EHBP1: variants seen among roughly 807,000 people sequenced by gnomAD.
EHBP1 encodes EH domain-binding protein 1.
In EHBP1, 55 loss-of-function variants were observed where a neutral mutation model predicts 144.0. The observed-to-expected ratio is 0.38, with a 90% CI of 0.31 to 0.48. The LOEUF (loss-of-function observed/expected upper bound fraction) is 0.48, where lower values mean the gene tolerates loss of function less well. Among genes scored for constraint, EHBP1 ranks in the 20% least tolerant of loss-of-function variants. The pLI is 0.98. For synonymous variants in EHBP1, 469 were observed against 472.7 expected (o/e 0.99, Z 0.10); for missense variants, 1,200 against 1,364.2 (o/e 0.88, Z 1.90).
At chr2:62,775,052 G>A (rs2041960448) in intron 5 of EHBP1, among the ~76,000 whole-genome samples, 1 of 152,072 alleles carries the variant, frequency 6.6e-6, no homozygotes, top group Non-Finnish European at 1.5e-5. Flanking sequence ...AGAGGGATAA[G>A]GATCCCCCGT....
At chr2:62,697,130 A>G (rs1454447868) in intron 1 of EHBP1, among the ~76,000 whole-genome samples, 1 of 152,212 alleles carries the variant, frequency 6.6e-6, no homozygotes. Context: ...CAGGTTGCAG[A>G]TCATTTCTCT....
intron 3 of EHBP1, among the ~76,000 whole-genome samples, chr2:62,749,660 T>G (rs893475938): frequency 2.2e-4 from 34 of 152,230 alleles, no homozygotes; most frequent in Non-Finnish European, 3.7e-4. Flanking sequence ...TCCTGACTTT[T>G]TAATGATTGC....
intron 10 of EHBP1, among the ~76,000 whole-genome samples, chr2:62,931,257 C>T (rs1387357445): frequency 6.6e-6 from 1 of 152,102 alleles, no homozygotes; most frequent in East Asian, 1.9e-4. Flanking sequence ...AGATAGCCAA[C>T]TAGTATATGA....
intron 2 of EHBP1, among the ~76,000 whole-genome samples, chr2:62,742,486 A>G (rs1310595252): frequency 2.0e-5 from 3 of 152,066 alleles, no homozygotes; most frequent in African/African-American, 7.2e-5. Context: ...TAAGATACTT[A>G]CCCTGGAGAA....
chr2:63,030,129 A>G (rs929018131), intron 19 of EHBP1, among the ~76,000 whole-genome samples: 1 of 152,242 alleles, frequency 6.6e-6, no homozygotes, highest in Non-Finnish European at 1.5e-5. Flanking sequence ...ATACTATGTA[A>G]TTATATATCA....
intron 6 of EHBP1, among the ~76,000 whole-genome samples, chr2:62,827,302 C>G (rs770464576): frequency 2.6e-5 from 4 of 152,136 alleles, no homozygotes; most frequent in Non-Finnish European, 5.9e-5. Context: ...AGTCTTTCAT[C>G]TCAGGACCTT....
At chr2:63,023,228 A>G (rs767885834) in intron 19 of EHBP1, among the ~76,000 whole-genome samples, 4 of 152,134 alleles carry the variant, frequency 2.6e-5, no homozygotes, top group African/African-American at 4.8e-5. Flanking sequence ...TTACTAATTA[A>G]TGTTTGTAAT....
chr2:62,771,463 C>A, intron 5 of EHBP1, 71 bp downstream of exon 5: 3 of 1,153,348 alleles, frequency 2.6e-6, no homozygotes, highest in Non-Finnish European at 2.4e-6. Context: ...GGTACATTGG[C>A]ATTTTGGTGG....
At chr2:62,728,823 T>C (rs2037102944) in intron 2 of EHBP1, among the ~76,000 whole-genome samples, 1 of 152,076 alleles carries the variant, frequency 6.6e-6, no homozygotes, top group Admixed American at 6.5e-5. Flanking sequence ...TCTTAGACTT[T>C]GCCTAACCCA....
At chr2:62,771,261 A>G in intron 4 of EHBP1, 78 bp from the exon 5 acceptor site, 3 of 988,590 alleles carry the variant, frequency 3.0e-6, no homozygotes, top group Non-Finnish European at 4.5e-6. Context: ...AAACAAGGCT[A>G]TATGTATTTT....
At chr2:62,691,794 A>G (rs998124509) in intron 1 of EHBP1, among the ~76,000 whole-genome samples, 1 of 152,222 alleles carries the variant, frequency 6.6e-6, no homozygotes, top group African/African-American at 2.4e-5. Flanking sequence ...AAATTTCTGT[A>G]TTAGAATATT....
intron 10 of EHBP1, chr2:62,881,771 T>G (rs2051441659): frequency 6.6e-6 from 1 of 152,210 alleles, no homozygotes; most frequent in South Asian, 2.1e-4. Flanking sequence ...GATTCCATTG[T>G]AAATAATATG....
chr2:62,806,854 A>G (rs2044541280), intron 5 of EHBP1, among the ~76,000 whole-genome samples: 2 of 152,100 alleles, frequency 1.3e-5, no homozygotes, highest in South Asian at 4.1e-4. Flanking sequence ...CCTTATAATA[A>G]CGCAGTAATC....
chr2:62,719,922 A>C (rs558085440), intron 2 of EHBP1, among the ~76,000 whole-genome samples: 3 of 152,334 alleles, frequency 2.0e-5, no homozygotes, highest in Non-Finnish European at 4.4e-5. Context: ...GAGGTAGTTC[A>C]GTTTCAAAAT....
chr2:62,970,888 C>T (rs926446785), intron 14 of EHBP1, among the ~76,000 whole-genome samples: 2 of 151,966 alleles, frequency 1.3e-5, no homozygotes, highest in African/African-American at 4.8e-5. Flanking sequence ...TTAATTACTA[C>T]GACTAAGGAG....
intron 19 of EHBP1, among the ~76,000 whole-genome samples, chr2:63,020,195 G>A (rs1278131978): frequency 6.6e-6 from 1 of 151,794 alleles, no homozygotes; most frequent in Non-Finnish European, 1.5e-5. Flanking sequence ...GTGTTGGCAG[G>A]TGCCTGTAAT....
rs551092779 is a variant in EHBP1 at position 62,840,428 on chromosome 2, G to A, written c.634+9270G>A. Among the ~76,000 whole-genome samples, 1,110 of 143,252 alleles carry A rather than the reference G, an allele frequency of 7.7e-3. 23 individuals are homozygous for A. Among genetic ancestry groups the A allele is most frequent in the African/African-American group, 0.027 (1,045 of 38,746 alleles). 94.0% of individuals were successfully genotyped at this position (143,252 alleles called of 152,430 possible). A position where few individuals can be genotyped will look rare whatever the true frequency, so the allele number is the denominator to read the frequency against. On this transcript the variant is annotated intron_variant, in intron 7 of 22. Transcript: ENST00000431489. ...CATTACCATTCAGGACTTAGGCATGGGCAAGGACTTCATGTCCAAAACACC... is the reference window on the plus strand; with the variant it reads ...CATTACCATTCAGGACTTAGGCATGAGCAAGGACTTCATGTCCAAAACACC...
intron 9 of EHBP1, among the ~76,000 whole-genome samples, chr2:62,871,626 A>C (rs1423641529): frequency 6.6e-6 from 1 of 152,194 alleles, no homozygotes; most frequent in Non-Finnish European, 1.5e-5. Context: ...TTCAATAATA[A>C]ACTTATGACC....
At chr2:62,827,784 C>T (rs1446422580) in intron 6 of EHBP1, among the ~76,000 whole-genome samples, 1 of 152,066 alleles carries the variant, frequency 6.6e-6, no homozygotes, top group African/African-American at 2.4e-5. Context: ...TTTCCTGCCT[C>T]AGCCTCCCGA....
Sources: allele counts gnomAD v4.1 joint callset (sites outside exome capture counted in the v4.1 genomes callset), GRCh38; gene constraint gnomAD v4.1.1; transcripts MANE v1.5; gene names NCBI Gene and HGNC (gene_info 2026-07-23, HGNC 2026-07-21).